XXYLT1: variants seen among roughly 807,000 people sequenced by gnomAD.
The protein encoded by XXYLT1 is UDP-xylose:alpha-xyloside alpha-1,3-xylosyltransferase.
In XXYLT1, 20 loss-of-function variants were observed where a neutral mutation model predicts 28.9. That is an observed-to-expected ratio of 0.69 (90% CI 0.49 to 1.00). The LOEUF (loss-of-function observed/expected upper bound fraction) is 1.00, where lower values mean the gene tolerates loss of function less well. Among genes scored for constraint, XXYLT1 ranks in the 50% least tolerant of loss-of-function variants. The probability of loss-of-function intolerance (pLI) is 0.00; values close to 1 mark genes in which losing one functional copy is unlikely to be tolerated. For synonymous variants in XXYLT1, 257 were observed against 253.8 expected (o/e 1.01, Z -0.12); for missense variants, 542 against 560.1 (o/e 0.97, Z 0.33).
intron 3 of XXYLT1, among the ~76,000 whole-genome samples, chr3:195,112,611 GCACA>G (rs1717821125): frequency 2.2e-5 from 2 of 92,708 alleles, no homozygotes; most frequent in Non-Finnish European, 5.6e-5. Flanking sequence ...GCACACACAC[GCACA>G]CATGTGCACA....
At chr3:195,117,504 T>C (rs377173389) in intron 3 of XXYLT1, among the ~76,000 whole-genome samples, 13 of 152,384 alleles carry the variant, frequency 8.5e-5, no homozygotes, top group African/African-American at 2.9e-4. Flanking sequence ...CATGTATCTA[T>C]GTGTTGATGT....
At chr3:195,248,857 T>C (rs1231083694) in intron 1 of XXYLT1, among the ~76,000 whole-genome samples, 3 of 152,016 alleles carry the variant, frequency 2.0e-5, no homozygotes, top group Non-Finnish European at 4.4e-5. Flanking sequence ...AGGGAGGAGA[T>C]TGCAGTGAGC....
intron 2 of XXYLT1, among the ~76,000 whole-genome samples, chr3:195,172,839 A>T (rs909264055): frequency 1.3e-5 from 2 of 152,204 alleles, no homozygotes; most frequent in Non-Finnish European, 2.9e-5. Context: ...GGGCAAAGGG[A>T]GTCACTAGTG....
rs1013908719 is a variant in XXYLT1, at chr3:195,072,929, G to A, written c.786-2818C>T. Among the ~76,000 whole-genome samples, 4 of 152,152 alleles carry A rather than the reference G, an allele frequency of 2.6e-5. No individual in the cohort carries two copies. The South Asian group carries it at 6.2e-4, about 24-fold the overall frequency. On this transcript the variant is annotated intron_variant, in intron 3 of 3. Transcript: ENST00000310380. ...GTGGACAGTATTGGAGCTCGTGCGA[G>A]GAACTTCTATCCCATGGCAAAATGG...
intron 3 of XXYLT1, among the ~76,000 whole-genome samples, chr3:195,070,517 G>A (rs542622346): frequency 2.8e-4 from 42 of 152,192 alleles, no homozygotes; most frequent in Middle Eastern, 3.4e-3. Context: ...AGCAGCAGAC[G>A]CAGGGACTAA....
intron 3 of XXYLT1, among the ~76,000 whole-genome samples, chr3:195,071,834 T>G (rs1309059624): frequency 6.6e-6 from 1 of 152,080 alleles, no homozygotes; most frequent in Non-Finnish European, 1.5e-5. Flanking sequence ...CTAGGGGCAG[T>G]GGGTGCTTTA....
chr3:195,207,412 T>G (rs374580682), intron 2 of XXYLT1: 12 of 454,178 alleles, frequency 2.6e-5, no homozygotes, highest in African/African-American at 2.4e-4. Context: ...AACAGTGACT[T>G]TATTCTACTC....
rs926779617 is a variant in XXYLT1 at position 195,271,025 on chromosome 3, G to A, written c.34C>T (p.Arg12Trp). The change falls in exon 1 of 4, where the codon CGG becomes TGG. Residue 12 changes from arginine to tryptophan, a missense_variant. Transcript: ENST00000310380. ...GLLRGGLPCA[R>W]AMARLGAVRS... Reference sequence around the variant, plus strand: ...ACAGCGCCCAGGCGCGCCATGGCCCGAGCGCATGGGAGCCCGCCTCGGAGG... The same window carrying A: ...ACAGCGCCCAGGCGCGCCATGGCCCAAGCGCATGGGAGCCCGCCTCGGAGG... The A allele has an allele frequency of 1.4e-6, 2 of 1,461,054 alleles. No individual in the cohort carries two copies. The highest frequency in any genetic ancestry group is 9.0e-7 in the Non-Finnish European group (1 of 1,111,610). 90.5% of individuals were successfully genotyped at this position (1,461,054 alleles called of 1,614,324 possible).
chr3:195,156,000 T>G (rs1341307477), intron 3 of XXYLT1, among the ~76,000 whole-genome samples: 1 of 152,236 alleles, frequency 6.6e-6, no homozygotes, highest in Non-Finnish European at 1.5e-5. Flanking sequence ...TCGTGCTGAC[T>G]ACTGATGCCA....
chr3:195,123,541 G>C (rs1718472871), intron 3 of XXYLT1, among the ~76,000 whole-genome samples: 1 of 152,202 alleles, frequency 6.6e-6, no homozygotes. Context: ...AGTCCTGAGG[G>C]CTGCAAGGCC....
intron 2 of XXYLT1, among the ~76,000 whole-genome samples, chr3:195,178,302 G>A (rs1160808893): frequency 6.6e-6 from 1 of 152,056 alleles, no homozygotes; most frequent in African/African-American, 2.4e-5. Context: ...AAACCTAACC[G>A]CTAATCACCA....
chr3:195,097,850 C>G (rs1299450402), intron 3 of XXYLT1, among the ~76,000 whole-genome samples: 1 of 151,282 alleles, frequency 6.6e-6, no homozygotes, highest in East Asian at 2.0e-4. Context: ...AGAAGTCAGG[C>G]TGGGCAGGAA....
rs549908917 is a variant in XXYLT1 at position 195,143,651 on chromosome 3, C to T, written c.785+12798G>A. On this transcript the variant is annotated intron_variant, in intron 3 of 3. Coordinates refer to ENST00000310380, the MANE Select transcript of XXYLT1 (RefSeq NM_152531.5). ...GTGTCTTACTTCCTGGAGGCATTTA[C>T]CTGAAATTAAACTGCTGCAGGCTGT... is the stretch of plus-strand genomic sequence containing the variant. 2.0e-5 allele frequency among the ~76,000 whole-genome samples: 3 copies of T among 151,244 alleles called. No homozygotes were observed. In the South Asian group the frequency reaches 6.3e-4, roughly 32 times the overall value.
chr3:195,076,160 G>A lies in XXYLT1; in HGVS notation c.786-6049C>T, dbSNP rs151104982. Among the ~76,000 whole-genome samples, 834 of 152,330 alleles carry A rather than the reference G, an allele frequency of 5.5e-3. 7 individuals carry two copies. Among genetic ancestry groups the A allele is most frequent in the African/African-American group, 0.019 (798 of 41,568 alleles). On this transcript the variant is annotated intron_variant, in intron 3 of 3. Transcript: ENST00000310380. The surrounding 1 kb of genome is among the most constrained non-coding windows in gnomAD (Gnocchi z 5.3). The stretch of plus-strand genomic sequence containing the variant: ...CATCTCTGCACCATCTGCACAGCCT[G>A]AGAGAACAGAGGTTCAGGGAAGGAA...
chr3:195,136,011 C>A (rs1156751335), intron 3 of XXYLT1, among the ~76,000 whole-genome samples: 1 of 152,178 alleles, frequency 6.6e-6, no homozygotes, highest in Non-Finnish European at 1.5e-5. Flanking sequence ...AAAACCTACA[C>A]CACTGAGATT....
chr3:195,227,191 C>A (rs1181643699), intron 1 of XXYLT1, among the ~76,000 whole-genome samples: 1 of 152,112 alleles, frequency 6.6e-6, no homozygotes, highest in Non-Finnish European at 1.5e-5. Context: ...AGCTGGGCCC[C>A]CCTGAAGGTA....
Position 195,115,570 on chromosome 3 carries a change from A to T in XXYLT1, c.785+40879T>A, listed in dbSNP as rs1717999123. On this transcript the variant is annotated intron_variant, in intron 3 of 3. Coordinates refer to ENST00000310380, the MANE Select transcript of XXYLT1 (RefSeq NM_152531.5). This position sits in a 1 kb window ranked among gnomAD's most constrained non-coding sequence, Gnocchi z 4.2. ...CCTGGTTGATAAACCCTGCCTGGCA[A>T]ACCGAGCACGCGTGAAGGCCTCAGG... Among the ~76,000 whole-genome samples, 1 of 152,232 alleles carries T rather than the reference A, an allele frequency of 6.6e-6. No homozygotes were observed. Among genetic ancestry groups the T allele is most frequent in the African/African-American group, 2.4e-5 (1 of 41,454 alleles).
chr3:195,073,301 C>A (rs1242382570), intron 3 of XXYLT1, among the ~76,000 whole-genome samples: 9 of 152,268 alleles, frequency 5.9e-5, no homozygotes, highest in Non-Finnish European at 1.0e-4. Flanking sequence ...CCTGAGGCCT[C>A]TACGAGGCAG....
intron 3 of XXYLT1, among the ~76,000 whole-genome samples, chr3:195,096,402 A>AAC (rs1290291425): frequency 2.0e-5 from 3 of 152,168 alleles, no homozygotes; most frequent in Non-Finnish European, 2.9e-5. Context: ...GTGCGTCCCC[A>AAC]ACACACACAC....
Sources: allele counts gnomAD v4.1 joint callset (sites outside exome capture counted in the v4.1 genomes callset), GRCh38; gene constraint gnomAD v4.1.1; non-coding constraint Gnocchi (gnomAD v3.1); transcripts MANE v1.5; gene names NCBI Gene and HGNC (gene_info 2026-07-23, HGNC 2026-07-21).